The following MYO15A variants were observed in gnomAD, a reference collection of about 807,000 sequenced individuals.
The protein encoded by MYO15A is unconventional myosin-XV.
A neutral mutation model predicts 394.6 loss-of-function variants in MYO15A; 308 were observed. The observed-to-expected ratio is 0.78, with a 90% confidence interval of 0.71 to 0.86. The LOEUF is 0.86. Among genes scored for constraint, MYO15A ranks in the 40% least tolerant of loss-of-function variants. The pLI, the probability that MYO15A is intolerant of heterozygous loss-of-function variation, is 0.00. For synonymous variants in MYO15A, 1,957 were observed against 2,003.8 expected, an observed-to-expected ratio of 0.98 and a Z score of 0.62; for missense variants, 4,606 against 4,799.1, an observed-to-expected ratio of 0.96 and a Z score of 1.19.
chr17:18,153,725 T>G lies in MYO15A; in HGVS notation c.7967-50T>G. On this transcript the variant is annotated intron_variant, in intron 42 of 65. Transcript: ENST00000647165. This position sits in a 1 kb window ranked among gnomAD's most constrained non-coding sequence, Gnocchi z 4.1. ...AAAATATATATATATATTAATTAAA[T>G]AAAAAAACGAGGTGCCTTCTCCTGA... 2 of 1,571,812 alleles carry G rather than the reference T, an allele frequency of 1.3e-6. No homozygotes were observed. The highest frequency in any genetic ancestry group is 1.7e-6 in the Non-Finnish European group (2 of 1,162,056).
At position 18,149,246 on chromosome 17, in the gene MYO15A, G is replaced by T. The variant is rs1280509783; in HGVS notation, c.6987G>T (p.Glu2329Asp). 10 of 1,614,066 alleles carry T rather than the reference G, an allele frequency of 6.2e-6. No individual in the cohort carries two copies. Among genetic ancestry groups the T allele is most frequent in the Non-Finnish European group, 8.5e-6 (10 of 1,179,986 alleles). Residue 2329 changes from glutamate (E) to aspartate (D), a missense_variant, in exon 34 of 66, where the codon GAG becomes GAT. Physicochemically the swap from Glu to Asp is conservative, Grantham distance 45. Coordinates refer to ENST00000647165, the MANE Select transcript of MYO15A (RefSeq NM_016239.4). ...VVFGNSWDSD[E>D]DMSTRPQPQE... is the part of the protein sequence containing the mutation. The stretch of plus-strand genomic sequence containing the variant: ...TTGGGAACAGCTGGGACTCGGATGA[G>T]GACATGTCCACTAGACCCCAGCCCC...
chr17:18,128,836 G>A (rs1175646119), intron 7 of MYO15A, among the ~76,000 whole-genome samples: 3 of 152,156 alleles, frequency 2.0e-5, no homozygotes, highest in Non-Finnish European at 4.4e-5. Context: ...GCAGAGAGCT[G>A]TCAGGGAGGA....
intron 41 of MYO15A, 32 bp from the exon 42 acceptor site, chr17:18,152,080 G>A: frequency 1.3e-6 from 2 of 1,550,592 alleles, no homozygotes; most frequent in Admixed American, 2.0e-5. Context: ...CCTGCCTGTT[G>A]CCCCCTGAGC....
chr17:18,179,635 G>A lies in MYO15A; in HGVS notation c.*765G>A, dbSNP rs752017224. The stretch of plus-strand genomic sequence containing the variant: ...ATTAGCATTGAGTTTTGAAAGATGA[G>A]TAGGAGTTTGCTAAGAATAGATGGA... On this transcript the variant is annotated 3_prime_UTR_variant, in exon 66 of 66. Coordinates refer to ENST00000647165, the MANE Select transcript of MYO15A (RefSeq NM_016239.4). 2 of 152,710 alleles carry A rather than the reference G, an allele frequency of 1.3e-5. No homozygotes were observed. The highest frequency in any genetic ancestry group is 2.4e-5 in the African/African-American group (1 of 41,448). 9.5% of individuals were successfully genotyped at this position (152,710 alleles called of 1,614,324 possible).
chr17:18,141,503 G>A, intron 22 of MYO15A, 150 bp from the exon 23 acceptor site: 1 of 782,350 alleles, frequency 1.3e-6, no homozygotes, highest in East Asian at 2.6e-5. Flanking sequence ...TGAGGATGGA[G>A]TGCCTTTTTT....
Position 18,120,377 on chromosome 17 carries a change from C to T in MYO15A, c.1577C>T (p.Pro526Leu), listed in dbSNP as rs1304867259. The T allele has an allele frequency of 1.2e-6, 2 of 1,611,618 alleles. No individual in the cohort carries two copies. The highest frequency in any genetic ancestry group is 8.5e-7 in the Non-Finnish European group (1 of 1,179,830). ...EEELPPVSAV[P>L]YGHPFWGFLT... ...GAGCTGCCCCCGGTTTCCGCTGTGC[C>T]CTACGGCCACCCTTTCTGGGGCTTC... Residue 526 changes from proline to leucine, a missense_variant, in exon 2 of 66, where the codon CCC (proline) becomes CTC (leucine). By Grantham distance (98) the Pro-to-Leu change is moderately conservative. This residue lies in a region of MYO15A where 1,830 missense variants were observed against 1,689.7 expected (regional missense o/e 1.08). Transcript: ENST00000647165.
intron 8 of MYO15A, among the ~76,000 whole-genome samples, chr17:18,131,032 G>A (rs1175732624): frequency 1.3e-5 from 2 of 151,946 alleles, no homozygotes; most frequent in African/African-American, 4.8e-5. Context: ...GGGGCTTGCT[G>A]TGTGGGAGTT....
At chr17:18,166,908 CTG>C (rs1317978829) in intron 61 of MYO15A, among the ~76,000 whole-genome samples, 4 of 152,294 alleles carry the variant, frequency 2.6e-5, no homozygotes, top group African/African-American at 9.6e-5. Context: ...TCATTTTTGT[CTG>C]TGTGTTATTC....
intron 51 of MYO15A, among the ~76,000 whole-genome samples, 158 bp downstream of exon 51, chr17:18,158,058 G>A (rs1482881746): frequency 6.6e-6 from 1 of 152,182 alleles, no homozygotes; most frequent in East Asian, 1.9e-4. Context: ...CAGGTAGAGT[G>A]AGCCGCAGGT....
chr17:18,120,654 C>T lies in MYO15A; in HGVS notation c.1854C>T (p.Asp618=), dbSNP rs886038623. ...TCGGCTACAAGCTGGCTGGCATGGACCCCGAGAAGCCCGGCACGCCCATCG... is the reference window on the plus strand; with the variant it reads ...TCGGCTACAAGCTGGCTGGCATGGATCCCGAGAAGCCCGGCACGCCCATCG... The part of the protein sequence containing the change: ...KRFGYKLAGM[D]PEKPGTPIVL... Residue 618 remains aspartate (D), a synonymous_variant, in exon 2 of 66, where the codon GAC becomes GAT. Transcript: ENST00000647165. 5 of 1,591,226 alleles carry T rather than the reference C, an allele frequency of 3.1e-6. No individual in the cohort carries two copies. The highest frequency in any genetic ancestry group is 4.3e-6 in the Non-Finnish European group (5 of 1,173,182).
chr17:18,166,565 T>C (rs2046858327), intron 61 of MYO15A, 44 bp downstream of exon 61: 1 of 1,605,146 alleles, frequency 6.2e-7, no homozygotes, highest in Non-Finnish European at 8.5e-7. Context: ...CCTTCTAGGC[T>C]CCCCTGGGCC....
In MYO15A at chr17:18,171,757, G is replaced by A. The variant is rs370278266; in HGVS notation, c.10202G>A (p.Arg3401His). 5.6e-5 allele frequency: 90 copies of A among 1,610,288 alleles called. No homozygotes were observed. Among genetic ancestry groups the A allele is most frequent in the East Asian group, 1.1e-4 (5 of 44,884 alleles). Residue 3401 changes from arginine to histidine, a missense_variant, in exon 63 of 66, where the codon CGT (arginine) becomes CAT (histidine). Physicochemically the swap from Arg to His is conservative, Grantham distance 29. Coordinates refer to ENST00000647165, the MANE Select transcript of MYO15A (RefSeq NM_016239.4). Reference sequence around the variant, plus strand: ...CAGGCGCTCAGCCCCCACCAGGCCCGTGCCCAGTTTCTGGGTAAGAGCTGC... The same window carrying A: ...CAGGCGCTCAGCCCCCACCAGGCCCATGCCCAGTTTCTGGGTAAGAGCTGC... ...QTQALSPHQA[R>H]AQFLGLLSAL...
rs774001730 is a variant in MYO15A, at chr17:18,149,329, G to A, written c.7070G>A (p.Gly2357Asp). 2.5e-6 allele frequency: 4 copies of A among 1,611,556 alleles called. No homozygotes were observed. Among genetic ancestry groups the A allele is most frequent in the South Asian group, 2.2e-5 (2 of 90,696 alleles). Residue 2357 changes from glycine (G) to aspartate (D), a missense_variant, in exon 34 of 66, where the codon GGT (glycine) becomes GAT (aspartate). By Grantham distance (94) the Gly-to-Asp change is moderately conservative. This residue lies in a region of MYO15A where 2,776 missense variants were observed against 3,109.3 expected (regional missense o/e 0.89). Transcript: ENST00000647165. Reference protein sequence around the residue: ...SDGYSSHNQDGTNGETEAQRG... With the variant: ...SDGYSSHNQDDTNGETEAQRG... ...GGGTACAGCAGCCACAATCAGGACG[G>A]TACAAATGGGGAGACTGAGGCCCAA...
chr17:18,143,536 C>G (rs758941826), intron 25 of MYO15A, 30 bp from the exon 26 acceptor site: 72 of 1,550,502 alleles, frequency 4.6e-5, no homozygotes, highest in Non-Finnish European at 3.7e-5. Context: ...CTGCCTGCCA[C>G]TCCCCAACCT....
intron 65 of MYO15A, among the ~76,000 whole-genome samples, chr17:18,174,665 A>AC (rs1011052942): frequency 7.2e-5 from 11 of 152,054 alleles, no homozygotes; most frequent in African/African-American, 2.7e-4. Context: ...CAAGTCTCAC[A>AC]CCCCCCTGGG....
chr17:18,173,945 A>G lies in MYO15A; in HGVS notation c.10491+24A>G, dbSNP rs374957183. On this transcript the variant is annotated intron_variant, in intron 65 of 65. Coordinates refer to ENST00000647165, the MANE Select transcript of MYO15A (RefSeq NM_016239.4). ...AGGTGGGCCCAGCGCTAAGTCCAAC[A>G]TTCCACTCACTGGGCCCTTCTCTGG... 5.6e-6 allele frequency: 9 copies of G among 1,610,154 alleles called. No individual in the cohort carries two copies. In the Admixed American group the frequency reaches 1.3e-4, roughly 24 times the overall value.
chr17:18,143,969 C>A lies in MYO15A; in HGVS notation c.6146C>A (p.Pro2049His), dbSNP rs878854414. The part of the protein sequence containing the change: ...VTLPLDINNY[P>H]MAKFVQCHFK... ...CTGCCCCTGGACATCAACAACTATC[C>A]TATGGCCAAGTTTGTCCAGTGCCAC... is the stretch of plus-strand genomic sequence containing the variant. Residue 2049 changes from proline to histidine, a missense_variant, in exon 28 of 66, where the codon CCT (proline) becomes CAT (histidine). This residue lies in a region of MYO15A where 2,776 missense variants were observed against 3,109.3 expected (regional missense o/e 0.89). Coordinates refer to ENST00000647165, the MANE Select transcript of MYO15A (RefSeq NM_016239.4). 8 of 1,613,340 alleles carry A rather than the reference C, an allele frequency of 5.0e-6. No individual in the cohort carries two copies. The South Asian group carries it at 8.8e-5, about 18-fold the overall frequency.
At chr17:18,172,812 T>C in intron 64 of MYO15A, 1 of 202,256 alleles carries the variant, frequency 4.9e-6, no homozygotes, top group Non-Finnish European at 1.0e-5. Flanking sequence ...CCTAACAGCT[T>C]CATTTTAACT....
chr17:18,120,398 G>T lies in MYO15A; in HGVS notation c.1598G>T (p.Gly533Val), dbSNP rs1253496601. Residue 533 changes from glycine to valine, a missense_variant, in exon 2 of 66, where the codon GGC (glycine) becomes GTC (valine). Gly to Val is a moderately radical substitution (Grantham distance 109, BLOSUM62 -3). Coordinates refer to ENST00000647165, the MANE Select transcript of MYO15A (RefSeq NM_016239.4). Reference protein sequence around the residue: ...SAVPYGHPFWGFLTPRQRNLQ... With the variant: ...SAVPYGHPFWVFLTPRQRNLQ... Reference sequence around the variant, plus strand: ...GTGCCCTACGGCCACCCTTTCTGGGGCTTCCTCACGCCGCGCCAGCGCAAC... The same window carrying T: ...GTGCCCTACGGCCACCCTTTCTGGGTCTTCCTCACGCCGCGCCAGCGCAAC... 2 of 1,608,200 alleles carry T rather than the reference G, an allele frequency of 1.2e-6. No homozygotes were observed. The highest frequency in any genetic ancestry group is 2.7e-5 in the African/African-American group (2 of 74,876).
Sources: allele counts gnomAD v4.1 joint callset (sites outside exome capture counted in the v4.1 genomes callset), GRCh38; gene constraint gnomAD v4.1.1; regional missense constraint gnomAD v4.1.1; non-coding constraint Gnocchi (gnomAD v3.1); transcripts MANE v1.5; gene names NCBI Gene and HGNC (gene_info 2026-07-23, HGNC 2026-07-21).